Variants in TMEM168 observed in about 807,000 individuals in gnomAD.
The protein encoded by TMEM168 is transmembrane protein 168.
Under a neutral mutation model 53.2 loss-of-function variants are expected in TMEM168, and 40 were observed. The ratio of observed to expected loss-of-function variants is 0.75; its 90% CI spans 0.58 to 0.98. The LOEUF is 0.98. Ranked by LOEUF, TMEM168 falls within the 50% of genes least tolerant of loss-of-function variation. TMEM168 has a pLI of 0.00. For synonymous variants in TMEM168, 282 were observed against 293.0 expected (o/e 0.96, Z 0.38); for missense variants, 771 against 828.8 (o/e 0.93, Z 0.86).
rs978784499 is a variant in TMEM168, at chr7:112,784,903, C to T, written c.-78G>A. 1.4e-5 allele frequency: 17 copies of T among 1,254,082 alleles called. No individual in the cohort carries two copies. The highest frequency in any genetic ancestry group is 2.6e-5 in the East Asian group (1 of 39,000). The allele number at this position is 1,254,082 out of a possible 1,614,324, so 77.7% of individuals were successfully genotyped here. On this transcript the variant is annotated 5_prime_UTR_variant, in exon 2 of 5. Transcript: ENST00000312814. Reference sequence around the variant, plus strand: ...TTTCATCCAGTATATCCAATGTATCCGCAACTCCTATTTCAACATTTTCTC... The same window carrying T: ...TTTCATCCAGTATATCCAATGTATCTGCAACTCCTATTTCAACATTTTCTC...
rs1488709893 is a variant in TMEM168, at chr7:112,784,432, C to T, written c.394G>A (p.Val132Met). The T allele has an allele frequency of 1.2e-6, 2 of 1,614,030 alleles. No individual in the cohort carries two copies. The highest frequency in any genetic ancestry group is 1.1e-5 in the South Asian group (1 of 91,044). Reference sequence around the variant, plus strand: ...ACCAGAGAGCACAATATCCTTAACACTATGGATGTTAGAAGCAAATATTTG... The same window carrying T: ...ACCAGAGAGCACAATATCCTTAACATTATGGATGTTAGAAGCAAATATTTG... Reference protein sequence around the residue: ...STKYLLLTSIVLRILCSLVER... With the variant: ...STKYLLLTSIMLRILCSLVER... The change falls in exon 2 of 5, where the codon GTG becomes ATG. Residue 132 changes from valine to methionine, a missense_variant. Physicochemically the swap from Val to Met is conservative, Grantham distance 21. Coordinates refer to ENST00000312814, the MANE Select transcript of TMEM168 (RefSeq NM_022484.6).
At chr7:112,786,787 C>G (rs1793393121) in intron 1 of TMEM168, among the ~76,000 whole-genome samples, 1 of 152,148 alleles carries the variant, frequency 6.6e-6, no homozygotes, top group Non-Finnish European at 1.5e-5. Flanking sequence ...CTTCCCTGGT[C>G]AACATTCTTC....
rs571370163 is a variant in TMEM168 at position 112,770,140 on chromosome 7, G to T, written c.1547-2396C>A. On this transcript the variant is annotated intron_variant, in intron 4 of 4. Coordinates refer to ENST00000312814, the MANE Select transcript of TMEM168 (RefSeq NM_022484.6). Reference sequence around the variant, plus strand: ...AGATGAAAGTATTTTCCTCAGAGCAGAGATATTCAATACTATTTGTGAGGC... The same window carrying T: ...AGATGAAAGTATTTTCCTCAGAGCATAGATATTCAATACTATTTGTGAGGC... Among the ~76,000 whole-genome samples the T allele has an allele frequency of 3.3e-5, 5 of 152,314 alleles. No homozygotes were observed. In the South Asian group the frequency reaches 1.0e-3, roughly 32 times the overall value.
At chr7:112,779,718 A>G (rs1793179078) in intron 2 of TMEM168, among the ~76,000 whole-genome samples, 1 of 152,238 alleles carries the variant, frequency 6.6e-6, no homozygotes, top group South Asian at 2.1e-4. Context: ...TTAGATCTCT[A>G]TTCAGCTGGG....
chr7:112,777,884 TGCTGTGTGTGTGTGTGTGTGTGTG>T (rs1793128664), intron 2 of TMEM168, among the ~76,000 whole-genome samples: 1 of 142,576 alleles, frequency 7.0e-6, no homozygotes, highest in Admixed American at 7.5e-5. Flanking sequence ...TTGCTCTTGG[TGCTGTGTGTGTGTGTGTGTGTGTG>T]TGTGTGTGTG....
In TMEM168 at chr7:112,764,687, G is replaced by C. The variant is rs1218737091; in HGVS notation, c.*2510C>G. 6.6e-6 allele frequency: 1 copy of C among 151,896 alleles called. No homozygotes were observed. Among genetic ancestry groups the C allele is most frequent in the Non-Finnish European group, 1.5e-5 (1 of 68,108 alleles). 9.4% of individuals were successfully genotyped at this position (151,896 alleles called of 1,614,324 possible). On this transcript the variant is annotated 3_prime_UTR_variant, in exon 5 of 5. Transcript: ENST00000312814. ...AGCTGATTTTTTTATTTTTAGTAGA[G>C]ATGGGGTTTCACCATGTTGGCCAGA...
chr7:112,770,519 AAT>A (rs1792902735), intron 4 of TMEM168, among the ~76,000 whole-genome samples: 1 of 152,164 alleles, frequency 6.6e-6, no homozygotes, highest in South Asian at 2.1e-4. Flanking sequence ...ATTTACCTAA[AAT>A]ACAACTCTAT....
At chr7:112,773,514 T>C (rs943558177) in intron 3 of TMEM168, among the ~76,000 whole-genome samples, 1 of 152,042 alleles carries the variant, frequency 6.6e-6, no homozygotes, top group Non-Finnish European at 1.5e-5. Flanking sequence ...GTCAATAAAA[T>C]TGTGTTCAAA....
intron 3 of TMEM168, 28 bp from the exon 4 acceptor site, chr7:112,773,083 C>T: frequency 1.3e-6 from 2 of 1,565,330 alleles, no homozygotes; most frequent in Non-Finnish European, 1.7e-6. Context: ...ACAAGAAGTA[C>T]TCATTCTATA....
In TMEM168 at chr7:112,762,792, A is replaced by T. The variant is rs1433640196; in HGVS notation, c.*4405T>A. The T allele has an allele frequency of 3.3e-5, 5 of 152,114 alleles. No individual in the cohort carries two copies. The East Asian group carries it at 9.6e-4, about 29-fold the overall frequency. The allele number at this position is 152,114 out of a possible 1,614,324, so 9.4% of individuals were successfully genotyped here. A position where few individuals can be genotyped will look rare whatever the true frequency, so the allele number is the denominator to read the frequency against. ...TTCCTAATAAACATAAATGTAAATTATCAACAGAATGGTTTCTCAAAACAA... is the reference window on the plus strand; with the variant it reads ...TTCCTAATAAACATAAATGTAAATTTTCAACAGAATGGTTTCTCAAAACAA... On this transcript the variant is annotated 3_prime_UTR_variant, in exon 5 of 5. Coordinates refer to ENST00000312814, the MANE Select transcript of TMEM168 (RefSeq NM_022484.6).
chr7:112,776,390 T>TG (rs1793085070), intron 2 of TMEM168, among the ~76,000 whole-genome samples: 1 of 152,122 alleles, frequency 6.6e-6, no homozygotes, highest in Non-Finnish European at 1.5e-5. Flanking sequence ...GATAGTCACT[T>TG]GAACATTTCT....
intron 4 of TMEM168, 59 bp from the exon 5 acceptor site, chr7:112,767,803 C>A: frequency 1.4e-6 from 2 of 1,431,804 alleles, no homozygotes; most frequent in African/African-American, 1.4e-5. Context: ...ATTAAGAAAA[C>A]CCTCTTAATC....
intron 1 of TMEM168, among the ~76,000 whole-genome samples, chr7:112,787,713 ATTTTTTTTTTTTTTTTTTTTT>A (rs71155069): frequency 3.1e-4 from 12 of 38,790 alleles, no homozygotes; most frequent in South Asian, 1.1e-3. Flanking sequence ...TGCGACTGGC[ATTTTTTTTTTTTTTTTTTTTT>A]TTTTTTTTTT....
rs762679141 is a variant in TMEM168 at position 112,784,282 on chromosome 7, A to G, written c.544T>C (p.Leu182=). 1 of 1,614,198 alleles carries G rather than the reference A, an allele frequency of 6.2e-7. No homozygotes were observed. The highest frequency in any genetic ancestry group is 8.5e-7 in the Non-Finnish European group (1 of 1,180,030). Reference sequence around the variant, plus strand: ...AGCATAGCCAGAGCTACAACAAGCAAAATGACACTCAGAGACTTCTCCACC... The same window carrying G: ...AGCATAGCCAGAGCTACAACAAGCAGAATGACACTCAGAGACTTCTCCACC... ...MLVEKSLSVI[L]LVVALAMLII... is the part of the protein sequence containing the mutation. The change falls in exon 2 of 5, where the codon TTG becomes CTG. Residue 182 remains leucine, a synonymous_variant. Transcript: ENST00000312814.
At position 112,765,483 on chromosome 7, in the gene TMEM168, A is replaced by AT. The variant is rs1474492890; in HGVS notation, c.*1713dup. 6.6e-6 allele frequency: 1 copy of AT among 152,132 alleles called. No homozygotes were observed. Among genetic ancestry groups the AT allele is most frequent in the Non-Finnish European group, 1.5e-5 (1 of 68,004 alleles). The allele number at this position is 152,132 out of a possible 1,614,324, so 9.4% of individuals were successfully genotyped here. On this transcript the variant is annotated 3_prime_UTR_variant, in exon 5 of 5. Transcript: ENST00000312814. ...AAATAGCTGAGAAATTTAAAAGGAGATTTTACTTAACATTAACTTTTTTTA... is the reference window on the plus strand; with the variant it reads ...AAATAGCTGAGAAATTTAAAAGGAGATTTTTACTTAACATTAACTTTTTTTA...
Position 112,767,443 on chromosome 7 carries a change from A to T in TMEM168, c.1848T>A (p.Tyr616Ter), listed in dbSNP as rs372759565. 6.8e-6 allele frequency: 11 copies of T among 1,614,172 alleles called. No homozygotes were observed. The highest frequency in any genetic ancestry group is 9.3e-6 in the Non-Finnish European group (11 of 1,180,022). Residue 616 changes from tyrosine to a stop codon, truncating the protein, a stop_gained, in exon 5 of 5, where the codon TAT (tyrosine) becomes TAA (stop). Transcript: ENST00000312814. LOFTEE classifies it high-confidence loss of function. Reference protein sequence around the residue: ...TEKGRTVKAVYGVSKRWSDYT... With the variant: ...TEKGRTVKAV ...AGTCACTCCACCGTTTTGACACACC[A>T]TATACTGCTTTCACTGTGCGTCCCT...
Position 112,767,714 on chromosome 7 carries a change from A to C in TMEM168, c.1577T>G (p.Ile526Arg). The change falls in exon 5 of 5, where the codon ATA (isoleucine) becomes AGA (arginine). Residue 526 changes from isoleucine (I) to arginine (R), a missense_variant. Coordinates refer to ENST00000312814, the MANE Select transcript of TMEM168 (RefSeq NM_022484.6). ...GGDTLRLDTLIEWWREKNGSF... is the reference protein window; with the variant it reads ...GGDTLRLDTLREWWREKNGSF... ...ACCATTCTTTTCTCTCCACCATTCTATAAGTGTGTCAAGGCGTAGTGTATC... is the reference window on the plus strand; with the variant it reads ...ACCATTCTTTTCTCTCCACCATTCTCTAAGTGTGTCAAGGCGTAGTGTATC... 1.2e-6 allele frequency: 2 copies of C among 1,613,336 alleles called. No individual in the cohort carries two copies. The highest frequency in any genetic ancestry group is 1.7e-6 in the Non-Finnish European group (2 of 1,179,830).
chr7:112,778,467 ATTT>A (rs1793149211), intron 2 of TMEM168: 1 of 152,180 alleles, frequency 6.6e-6, no homozygotes, highest in Non-Finnish European at 1.5e-5. Context: ...TTTAAAACTT[ATTT>A]TATGTTTCTG....
rs1344822013 is a variant in TMEM168, at chr7:112,764,629, T to A, written c.*2568A>T. 6.6e-6 allele frequency: 1 copy of A among 151,206 alleles called. No homozygotes were observed. The allele number at this position is 151,206 out of a possible 1,614,324, so 9.4% of individuals were successfully genotyped here. A position where few individuals can be genotyped will look rare whatever the true frequency, so the allele number is the denominator to read the frequency against. ...GATTCTCCTGCCTCAGTCTCCCAAG[T>A]AGATGGGACTACAGGCGTGCACCAC... is the stretch of plus-strand genomic sequence containing the variant. On this transcript the variant is annotated 3_prime_UTR_variant, in exon 5 of 5. Coordinates refer to ENST00000312814, the MANE Select transcript of TMEM168 (RefSeq NM_022484.6).
Sources: gnomAD v4.1 joint callset for allele counts (sites outside exome capture counted in the v4.1 genomes callset) on GRCh38, gnomAD v4.1.1 for gene constraint, MANE v1.5 for transcripts, NCBI Gene and HGNC (gene_info 2026-07-23, HGNC 2026-07-21) for gene names.